Variants in IST1 observed in about 807,000 individuals in gnomAD.
The protein encoded by IST1 is IST1 factor associated with ESCRT-III, also known as IST1 homolog.
Under a neutral mutation model 37.0 loss-of-function variants are expected in IST1, and 23 were observed. The ratio of observed to expected loss-of-function variants is 0.62; its 90% CI spans 0.45 to 0.88. The LOEUF is 0.88. Ranked by LOEUF, IST1 falls within the 40% of genes least tolerant of loss-of-function variation. The probability of loss-of-function intolerance (pLI) is 0.00; values close to 1 mark genes in which losing one functional copy is unlikely to be tolerated. For missense variants in IST1, 488 were observed against 445.4 expected (o/e 1.10, Z -0.86); for synonymous variants, 180 against 161.7 (o/e 1.11, Z -0.86).
chr16:71,924,607 A>C, intron 8 of IST1, 162 bp from the exon 9 acceptor site: 1 of 640,768 alleles, frequency 1.6e-6, no homozygotes, highest in South Asian at 1.8e-5. Context: ...GGAGTTCAAC[A>C]TAGTATCTAC....
At chr16:71,921,673 G>A (rs2037588350) in intron 6 of IST1, 1 of 470,844 alleles carries the variant, frequency 2.1e-6, no homozygotes, top group South Asian at 2.8e-5. Flanking sequence ...TGATACAAAT[G>A]TAAAATGGCA....
intron 1 of IST1, among the ~76,000 whole-genome samples, chr16:71,914,739 C>T (rs1157943228): frequency 6.6e-6 from 1 of 152,166 alleles, no homozygotes; most frequent in Admixed American, 6.5e-5. Flanking sequence ...ACTGCTCTTT[C>T]TTTCTTTGGT....
Position 71,916,502 on chromosome 16 carries a change from T to C in IST1, c.129T>C (p.Tyr43=), listed in dbSNP as rs1019319578. The C allele has an allele frequency of 6.2e-7, 1 of 1,613,136 alleles. No homozygotes were observed. The highest frequency in any genetic ancestry group is 1.3e-5 in the African/African-American group (1 of 74,904). The change falls in exon 3 of 10, where the codon TAT becomes TAC. Residue 43 remains tyrosine, a synonymous_variant. Transcript: ENST00000378799. ...AQKARKEIAD[Y]LAAGKDERAR... The stretch of plus-strand genomic sequence containing the variant: ...AAGCAAGGAAGGAGATTGCTGACTA[T>C]CTGGCTGCTGGGAAAGATGAACGAG...
chr16:71,910,327 C>G (rs1489504039), intron 1 of IST1, among the ~76,000 whole-genome samples: 4 of 152,046 alleles, frequency 2.6e-5, no homozygotes, highest in Non-Finnish European at 5.9e-5. Flanking sequence ...ATGGTACTGG[C>G]CAGGTGTGGA....
At chr16:71,927,239 C>G (rs894542415) in intron 9 of IST1, among the ~76,000 whole-genome samples, 1 of 152,140 alleles carries the variant, frequency 6.6e-6, no homozygotes, top group Non-Finnish European at 1.5e-5. Flanking sequence ...GTGGCTCACA[C>G]CTGTAATCCA....
At position 71,925,257 on chromosome 16, in the gene IST1, C is replaced by T. The variant is rs1023414631; in HGVS notation, c.901+440C>T. 4.6e-5 allele frequency among the ~76,000 whole-genome samples: 7 copies of T among 151,404 alleles called. No homozygotes were observed. In the South Asian group the frequency reaches 6.3e-4, roughly 14 times the overall value. ...CTCGATCTCCTGACCTTGTGAGATCCGCCTGCCTTGGCCTCCCAAAGTGCT... is the reference window on the plus strand; with the variant it reads ...CTCGATCTCCTGACCTTGTGAGATCTGCCTGCCTTGGCCTCCCAAAGTGCT... On this transcript the variant is annotated intron_variant, in intron 9 of 9. Coordinates refer to ENST00000378799, the MANE Select transcript of IST1 (RefSeq NM_001270975.2).
chr16:71,915,369 T>A (rs1452466797), intron 1 of IST1, among the ~76,000 whole-genome samples: 1 of 152,190 alleles, frequency 6.6e-6, no homozygotes, highest in Non-Finnish European at 1.5e-5. Context: ...ACCACCCTAG[T>A]CTGAGCTATT....
intron 1 of IST1, among the ~76,000 whole-genome samples, chr16:71,904,361 A>T (rs1597235338): frequency 1.3e-5 from 2 of 152,224 alleles, no homozygotes; most frequent in South Asian, 4.1e-4. Flanking sequence ...GACCTAAGTG[A>T]TCCACCTGCC....
intron 1 of IST1, among the ~76,000 whole-genome samples, chr16:71,901,597 T>C (rs2037110528): frequency 6.6e-6 from 1 of 152,244 alleles, no homozygotes; most frequent in South Asian, 2.1e-4. Flanking sequence ...GTTACTACTT[T>C]TGTGGTTTAC....
chr16:71,906,094 C>G (rs2037217742), intron 1 of IST1, among the ~76,000 whole-genome samples: 1 of 149,718 alleles, frequency 6.7e-6, no homozygotes, highest in Non-Finnish European at 1.5e-5. Flanking sequence ...GCCTCTGCCT[C>G]CCAGGTTCAA....
In IST1 at chr16:71,929,417, G is replaced by C. The variant is rs2037837045; in HGVS notation, c.*1604G>C. 9.9e-6 allele frequency: 10 copies of C among 1,008,086 alleles called. No homozygotes were observed. Among genetic ancestry groups the C allele is most frequent in the Non-Finnish European group, 1.3e-5 (9 of 714,380 alleles). 62.4% of individuals were successfully genotyped at this position (1,008,086 alleles called of 1,614,324 possible). On this transcript the variant is annotated 3_prime_UTR_variant, in exon 10 of 10. Coordinates refer to ENST00000378799, the MANE Select transcript of IST1 (RefSeq NM_001270975.2). ...AGATCCATAAGAACTTGGGACCAAGGGGATTTTGATTCCTAACTTACAGAA... is the reference window on the plus strand; with the variant it reads ...AGATCCATAAGAACTTGGGACCAAGCGGATTTTGATTCCTAACTTACAGAA...
In IST1 at chr16:71,921,412, A is replaced by G. The variant is rs1339369080; in HGVS notation, c.511A>G (p.Lys171Glu). The change falls in exon 6 of 10, where the codon AAG becomes GAG. Residue 171 changes from lysine to glutamate, a missense_variant. Lys to Glu is a moderately conservative substitution (Grantham distance 56, BLOSUM62 1). Around this residue, in one of 2 missense-constraint regions of IST1, gnomAD observed 455 missense variants for 386.2 expected, o/e 1.18. Transcript: ENST00000378799. The part of the protein sequence containing the change: ...LVERYLIEIA[K>E]NYNVPYEPDS... ...GGAGAGATACCTGATTGAAATTGCA[A>G]AGAATTACAACGTACCCTATGAACC... 5.6e-6 allele frequency: 9 copies of G among 1,613,440 alleles called. No individual in the cohort carries two copies. Among genetic ancestry groups the G allele is most frequent in the Non-Finnish European group, 7.6e-6 (9 of 1,179,360 alleles).
At chr16:71,908,100 C>T (rs1010190223) in intron 1 of IST1, among the ~76,000 whole-genome samples, 3 of 152,048 alleles carry the variant, frequency 2.0e-5, no homozygotes, top group African/African-American at 7.2e-5. Flanking sequence ...CGTGCCACCA[C>T]ACCAAGCTAA....
chr16:71,911,818 G>A (rs1478594313), intron 1 of IST1, among the ~76,000 whole-genome samples: 1 of 150,574 alleles, frequency 6.6e-6, no homozygotes, highest in Non-Finnish European at 1.5e-5. Context: ...CCAGGCTCCA[G>A]TGATCCTCCC....
At chr16:71,911,904 G>T (rs1277701439) in intron 1 of IST1, among the ~76,000 whole-genome samples, 1 of 151,896 alleles carries the variant, frequency 6.6e-6, no homozygotes, top group Non-Finnish European at 1.5e-5. Context: ...TTTTGGTACA[G>T]TTGGAGTTTC....
chr16:71,897,000 T>C (rs762688717), intron 1 of IST1, among the ~76,000 whole-genome samples: 5 of 151,598 alleles, frequency 3.3e-5, no homozygotes, highest in Non-Finnish European at 7.4e-5. Flanking sequence ...ATTAAAACAC[T>C]TCCTCTTTTT....
At chr16:71,924,047 TC>T (rs781248532) in intron 8 of IST1, 2 of 448,734 alleles carry the variant, frequency 4.5e-6, no homozygotes, top group South Asian at 3.2e-5. Flanking sequence ...ATCTTCCTGT[TC>T]CTGAGCTTGC....
intron 4 of IST1, among the ~76,000 whole-genome samples, chr16:71,917,394 A>G (rs765696565): frequency 7.2e-5 from 11 of 152,222 alleles, no homozygotes; most frequent in Non-Finnish European, 1.0e-4. Context: ...AACTCTATGC[A>G]AATAGAAAAG....
At chr16:71,901,771 TGTG>T (rs1481938992) in intron 1 of IST1, among the ~76,000 whole-genome samples, 1 of 152,222 alleles carries the variant, frequency 6.6e-6, no homozygotes, top group Non-Finnish European at 1.5e-5. Flanking sequence ...TTTAAAAGCA[TGTG>T]GTTTTTAATT....
Sources: gnomAD v4.1 joint callset for allele counts (sites outside exome capture counted in the v4.1 genomes callset) on GRCh38, gnomAD v4.1.1 for gene constraint, gnomAD v4.1.1 regional missense constraint, MANE v1.5 for transcripts, NCBI Gene and HGNC (gene_info 2026-07-23, HGNC 2026-07-21) for gene names.